SNRPN: variants seen among roughly 807,000 people sequenced by gnomAD.
SNRPN encodes the protein small nuclear ribonucleoprotein-associated protein N.
A neutral mutation model predicts 25.2 loss-of-function variants in SNRPN; 7 were observed. The ratio of observed to expected loss-of-function variants is 0.28; its 90% CI spans 0.16 to 0.52. The LOEUF (loss-of-function observed/expected upper bound fraction) is 0.52, where lower values mean the gene tolerates loss of function less well. Among genes scored for constraint, SNRPN ranks in the 20% least tolerant of loss-of-function variants. SNRPN has a pLI of 0.96. For missense variants in SNRPN, 196 were observed against 322.5 expected (o/e 0.61, Z 3.00); for synonymous variants, 124 against 110.6 (o/e 1.12, Z -0.76).
intron 1 of SNRPN, among the ~76,000 whole-genome samples, chr15:24,859,888 G>C (rs2053834739): frequency 6.6e-6 from 1 of 152,176 alleles, no homozygotes; most frequent in African/African-American, 2.4e-5. Context: ...GAGGGATGTA[G>C]CACTGAGGAC....
At chr15:24,896,586 C>G (rs568580409) in intron 2 of SNRPN, among the ~76,000 whole-genome samples, 2 of 152,060 alleles carry the variant, frequency 1.3e-5, no homozygotes, top group East Asian at 3.9e-4. Flanking sequence ...TGGTGGCGGG[C>G]GCCTGTAGTT....
Position 24,871,041 on chromosome 15 carries a change from C to T in SNRPN, c.-579+14325C>T, listed in dbSNP as rs146580734. Among the ~76,000 whole-genome samples, 1,343 of 151,660 alleles carry T rather than the reference C, an allele frequency of 8.9e-3. 26 individuals carry two copies. The highest frequency in any genetic ancestry group is 0.03 in the African/African-American group (1,262 of 41,380). On this transcript the variant is annotated intron_variant, in intron 1 of 11. Coordinates refer to the SNRPN transcript ENST00000400097. The stretch of plus-strand genomic sequence containing the variant: ...GATTACAGGCACGCACCACCACGCC[C>T]GGCTAATTATTTGGTATTTTTAGCA...
rs189070486 is a variant in SNRPN, at chr15:24,908,145, C to T, written c.-504-11866C>T. Among the ~76,000 whole-genome samples the T allele has an allele frequency of 4.0e-5, 6 of 150,958 alleles. No homozygotes were observed. The East Asian group carries it at 7.8e-4, about 20-fold the overall frequency. On this transcript the variant is annotated intron_variant, in intron 2 of 11. Transcript: ENST00000400097. ...ACAAATTATGCCAGTGACTTGATGG[C>T]GTAATTGGACTTCCTGACTCCAGAA...
chr15:24,835,247 T>C (rs924442632), intron 2 of SNRPN, among the ~76,000 whole-genome samples: 1 of 150,482 alleles, frequency 6.6e-6, no homozygotes, highest in South Asian at 2.1e-4. Context: ...GTAACATATA[T>C]AGGCATGCTG....
rs371530609 is a variant in SNRPN at position 24,922,167 on chromosome 15, C to T, written c.-391+2043C>T. 7.9e-5 allele frequency among the ~76,000 whole-genome samples: 12 copies of T among 152,010 alleles called. No homozygotes were observed. The East Asian group carries it at 1.5e-3, about 20-fold the overall frequency. ...GGCGGAGGTTGCAGTGAGCCAAGATCGTGCCATTGCACTCTAGCATGGGCG... is the reference window on the plus strand; with the variant it reads ...GGCGGAGGTTGCAGTGAGCCAAGATTGTGCCATTGCACTCTAGCATGGGCG... On this transcript the variant is annotated intron_variant, in intron 3 of 11. Coordinates refer to the SNRPN transcript ENST00000400097.
chr15:24,871,715 T>A (rs552378864), intron 1 of SNRPN, among the ~76,000 whole-genome samples: 1 of 151,824 alleles, frequency 6.6e-6, no homozygotes, highest in African/African-American at 2.4e-5. Flanking sequence ...TTTGTCTCTT[T>A]TTTTTTTGAG....
In SNRPN at chr15:24,902,307, A is replaced by C. The variant is rs147900588; in HGVS notation, c.-505+15718A>C. ...CATTCTACTGGGGAATTTCAGATGT[A>C]TAGGAATGTAGTTGAAATTTAAGTG... On this transcript the variant is annotated intron_variant, in intron 2 of 11. Coordinates refer to the SNRPN transcript ENST00000400097. Among the ~76,000 whole-genome samples, 53 of 152,328 alleles carry C rather than the reference A, an allele frequency of 3.5e-4. 1 individual carries two copies. In the East Asian group the frequency reaches 0.01, roughly 29 times the overall value.
chr15:24,974,687 C>T, intron 4 of SNRPN: 1 of 615,568 alleles, frequency 1.6e-6, no homozygotes, highest in South Asian at 2.0e-5. Flanking sequence ...GTGGTGCGGT[C>T]TTGGCTCACT....
intron 2 of SNRPN, among the ~76,000 whole-genome samples, chr15:24,915,753 G>A (rs78986907): frequency 0.033 from 5,080 of 152,048 alleles, 101 homozygotes; most frequent in Non-Finnish European, 0.043. Flanking sequence ...CTTTTTATTT[G>A]TAATTTGACT....
At chr15:24,928,884 A>G (rs1194549880) in intron 3 of SNRPN, among the ~76,000 whole-genome samples, 2 of 152,152 alleles carry the variant, frequency 1.3e-5, no homozygotes, top group Non-Finnish European at 2.9e-5. Flanking sequence ...CTAGGATTAC[A>G]GGTGTGAGCC....
At chr15:24,927,098 TTCCC>T (rs1289924504) in intron 3 of SNRPN, among the ~76,000 whole-genome samples, 1 of 152,078 alleles carries the variant, frequency 6.6e-6, no homozygotes, top group East Asian at 1.9e-4. Flanking sequence ...ATTTTTCTCC[TTCCC>T]TCCCTCTTTC....
At chr15:24,904,951 A>C (rs2058702030) in intron 2 of SNRPN, among the ~76,000 whole-genome samples, 1 of 150,752 alleles carries the variant, frequency 6.6e-6, no homozygotes. Flanking sequence ...TCAAAAAAAA[A>C]AAAAAAAAAA....
Position 24,923,022 on chromosome 15 carries a change from C to G in SNRPN, c.-391+2898C>G, listed in dbSNP as rs150711848. On this transcript the variant is annotated intron_variant, in intron 3 of 11. Transcript: ENST00000400097. Reference sequence around the variant, plus strand: ...CTGCATTGAAGCGATTCTCCTGCCTCAGACCCCCATGTAACTGGGACTACA... The same window carrying G: ...CTGCATTGAAGCGATTCTCCTGCCTGAGACCCCCATGTAACTGGGACTACA... 5.7e-3 allele frequency among the ~76,000 whole-genome samples: 861 copies of G among 150,726 alleles called. 6 individuals carry two copies. Among genetic ancestry groups the G allele is most frequent in the African/African-American group, 0.012 (479 of 41,112 alleles).
At position 24,938,269 on chromosome 15, in the gene SNRPN, G is replaced by T. The variant is rs181781294; in HGVS notation, c.-391+18145G>T. Reference sequence around the variant, plus strand: ...AGCCTCTCAAGTAGCTGGAATTACAGGCTCAAACCAACACACCAGGCGAAC... The same window carrying T: ...AGCCTCTCAAGTAGCTGGAATTACATGCTCAAACCAACACACCAGGCGAAC... On this transcript the variant is annotated intron_variant, in intron 3 of 11. Transcript: ENST00000400097. 1.8e-3 allele frequency among the ~76,000 whole-genome samples: 280 copies of T among 152,138 alleles called. 4 individuals are homozygous for T. Among genetic ancestry groups the T allele is most frequent in the African/African-American group, 6.6e-3 (275 of 41,500 alleles).
intron 2 of SNRPN, among the ~76,000 whole-genome samples, chr15:24,898,276 C>T (rs2058204295): frequency 1.3e-5 from 2 of 152,148 alleles, no homozygotes; most frequent in Admixed American, 6.5e-5. Context: ...TCATTTCATC[C>T]GGCCTCATTG....
At chr15:24,836,051 G>A (rs1356262979) in intron 2 of SNRPN, among the ~76,000 whole-genome samples, 2 of 152,070 alleles carry the variant, frequency 1.3e-5, no homozygotes, top group African/African-American at 4.8e-5. Flanking sequence ...ACGTTCTGGA[G>A]GCTATAACGT....
chr15:24,854,946 G>C (rs1043322397), upstream of SNRPN, among the ~76,000 whole-genome samples: 2 of 151,572 alleles, frequency 1.3e-5, no homozygotes, highest in African/African-American at 4.8e-5. Context: ...AGAGGTTGCA[G>C]CGAGCCGAGA....
At chr15:24,912,954 T>A (rs999819467) in intron 2 of SNRPN, among the ~76,000 whole-genome samples, 7 of 152,190 alleles carry the variant, frequency 4.6e-5, no homozygotes, top group African/African-American at 7.2e-5. Context: ...TTATTTATTT[T>A]TTTGAGACAG....
Position 24,918,623 on chromosome 15 carries a change from TGTATATATAACATAATATATATGTGTGC to T in SNRPN, c.-504-1387_-504-1360del, listed in dbSNP as rs1326157300. Among the ~76,000 whole-genome samples, 40 of 97,908 alleles carry T rather than the reference TGTATATATAACATAATATATATGTGTGC, an allele frequency of 4.1e-4. 1 individual carries two copies. Among genetic ancestry groups the T allele is most frequent in the Non-Finnish European group, 6.2e-4 (31 of 50,074 alleles). 64.2% of individuals were successfully genotyped at this position (97,908 alleles called of 152,430 possible). A position where few individuals can be genotyped will look rare whatever the true frequency, so the allele number is the denominator to read the frequency against. ...ATATATATAACATAATATATATGTGTGTATATATAACATAATATATATGTGTGCATATATATAACATAATATATATGTG... is the reference window on the plus strand; with the variant it reads ...ATATATATAACATAATATATATGTGTATATATATAACATAATATATATGTG... On this transcript the variant is annotated intron_variant, in intron 2 of 11. Coordinates refer to the SNRPN transcript ENST00000400097.
Sources: gnomAD v4.1 joint callset for allele counts (sites outside exome capture counted in the v4.1 genomes callset) on GRCh38, gnomAD v4.1.1 for gene constraint, MANE v1.5 for transcripts, NCBI Gene and HGNC (gene_info 2026-07-23, HGNC 2026-07-21) for gene names.